GLIS3: variants seen among roughly 807,000 people sequenced by gnomAD.
GLIS3 encodes the protein GLIS family zinc finger 3.
In GLIS3, 53 loss-of-function variants were observed where a neutral mutation model predicts 78.6. The ratio of observed to expected loss-of-function variants is 0.67; its 90% CI spans 0.54 to 0.85. The LOEUF (loss-of-function observed/expected upper bound fraction) is 0.85, where lower values mean the gene tolerates loss of function less well. Ranked by LOEUF, GLIS3 falls within the 40% of genes least tolerant of loss-of-function variation. GLIS3 has a pLI of 0.00. For synonymous variants in GLIS3, 684 were observed against 509.9 expected, an observed-to-expected ratio of 1.34 and a Z score of -4.60; for missense variants, 1,703 against 1,231.1, an observed-to-expected ratio of 1.38 and a Z score of -5.74.
At position 3,997,349 on chromosome 9, in the gene GLIS3, G is replaced by A. The variant is rs943766352; in HGVS notation, c.1711-60160C>T. ...CAAGAAGAGTGAAACTCGAAATTCC[G>A]TCTCAAGAAAACAATAAAAATAAAA... On this transcript the variant is annotated intron_variant, in intron 4 of 10. Coordinates refer to ENST00000381971, the MANE Select transcript of GLIS3 (RefSeq NM_001042413.2). Among the ~76,000 whole-genome samples the A allele has an allele frequency of 3.3e-5, 5 of 151,422 alleles. No homozygotes were observed. The South Asian group carries it at 6.2e-4, about 19-fold the overall frequency.
rs543537862 is a variant in GLIS3, at chr9:4,265,777, C to G, written c.388+20261G>C. On this transcript the variant is annotated intron_variant, in intron 2 of 10. Coordinates refer to ENST00000381971, the MANE Select transcript of GLIS3 (RefSeq NM_001042413.2). Reference sequence around the variant, plus strand: ...TCGTGCCATTTCATCATCATATTACCCACAGTATGAGTTTTCCCCTCTAAA... The same window carrying G: ...TCGTGCCATTTCATCATCATATTACGCACAGTATGAGTTTTCCCCTCTAAA... Among the ~76,000 whole-genome samples, 8 of 152,232 alleles carry G rather than the reference C, an allele frequency of 5.3e-5. No individual in the cohort carries two copies. The East Asian group carries it at 1.5e-3, about 29-fold the overall frequency.
intron 2 of GLIS3, among the ~76,000 whole-genome samples, chr9:4,265,064 C>T (rs554888564): frequency 1.7e-4 from 26 of 150,074 alleles, no homozygotes; most frequent in Non-Finnish European, 3.7e-4. Flanking sequence ...CCCAGCTACT[C>T]GGGAGGCTGA....
At chr9:4,011,787 C>T (rs586192) in intron 4 of GLIS3, among the ~76,000 whole-genome samples, 15,740 of 152,178 alleles carry the variant, frequency 0.1, 2,570 homozygotes, top group African/African-American at 0.35. Context: ...TGATTCTACC[C>T]TTCCTGAAAC....
the GLIS3 span, among the ~76,000 whole-genome samples, chr9:4,424,948 G>A: frequency 6.6e-6 from 1 of 151,982 alleles, no homozygotes. Context: ...ACAGTGAAAT[G>A]TAAACAGGCT....
chr9:3,967,023 A>C (rs1026808089), intron 4 of GLIS3, among the ~76,000 whole-genome samples: 5 of 145,026 alleles, frequency 3.4e-5, no homozygotes, highest in Non-Finnish European at 6.0e-5. Flanking sequence ...AAAAAAAAAA[A>C]AAAAAAAAAA....
rs543903614 is a variant in GLIS3 at position 4,011,981 on chromosome 9, G to T, written c.1711-74792C>A. Reference sequence around the variant, plus strand: ...CAGAAGTCAGAAAGGTGACAGGGGAGGGGGAGGTATTAGAGGCACTGAGAT... The same window carrying T: ...CAGAAGTCAGAAAGGTGACAGGGGATGGGGAGGTATTAGAGGCACTGAGAT... On this transcript the variant is annotated intron_variant, in intron 4 of 10. Coordinates refer to ENST00000381971, the MANE Select transcript of GLIS3 (RefSeq NM_001042413.2). Among the ~76,000 whole-genome samples the T allele has an allele frequency of 5.5e-4, 83 of 152,270 alleles. 1 individual carries two copies. The highest frequency in any genetic ancestry group is 1.9e-3 in the African/African-American group (78 of 41,556).
intron 4 of GLIS3, among the ~76,000 whole-genome samples, chr9:4,027,742 T>TCCTAACCAGTCC (rs1184331307): frequency 6.6e-6 from 1 of 152,144 alleles, no homozygotes; most frequent in African/African-American, 2.4e-5. Flanking sequence ...CTATCCAGCC[T>TCCTAACCAGTCC]CCTAACCAGT....
Position 4,015,234 on chromosome 9 carries a change from G to A in GLIS3, c.1711-78045C>T, listed in dbSNP as rs139657557. 6.6e-5 allele frequency among the ~76,000 whole-genome samples: 10 copies of A among 152,250 alleles called. No homozygotes were observed. In the East Asian group the frequency reaches 1.7e-3, roughly 26 times the overall value. The stretch of plus-strand genomic sequence containing the variant: ...GTGTGTGCAGGGATGTGAGGAAGGG[G>A]GTGTTTGAGGGGATAAATTGGTAGC... On this transcript the variant is annotated intron_variant, in intron 4 of 10. Coordinates refer to ENST00000381971, the MANE Select transcript of GLIS3 (RefSeq NM_001042413.2).
At chr9:4,395,777 CTTTTTTT>C in the GLIS3 span, among the ~76,000 whole-genome samples, 2 of 127,742 alleles carry the variant, frequency 1.6e-5, no homozygotes, top group African/African-American at 3.0e-5. Context: ...TTCTTTTTTT[CTTTTTTT>C]TTTTTTTTGA....
At chr9:4,226,202 T>C (rs1021909258) in intron 2 of GLIS3, among the ~76,000 whole-genome samples, 1 of 152,216 alleles carries the variant, frequency 6.6e-6, no homozygotes, top group South Asian at 2.1e-4. Context: ...AATTCTGCTT[T>C]CCAATATCTT....
chr9:4,384,101 C>A, the GLIS3 span, among the ~76,000 whole-genome samples: 1 of 152,260 alleles, frequency 6.6e-6, no homozygotes, highest in Non-Finnish European at 1.5e-5. Flanking sequence ...GAAGTTGTGG[C>A]CTTTGGGGGT....
chr9:3,923,608 G>A (rs776212955), intron 6 of GLIS3, among the ~76,000 whole-genome samples: 5 of 151,882 alleles, frequency 3.3e-5, no homozygotes, highest in Non-Finnish European at 7.4e-5. Context: ...ATAGTACAAG[G>A]ATGTTTGAAT....
intron 4 of GLIS3, among the ~76,000 whole-genome samples, chr9:4,109,011 G>A (rs926477427): frequency 6.6e-6 from 1 of 152,244 alleles, no homozygotes; most frequent in South Asian, 2.1e-4. Flanking sequence ...AGAGAGACAT[G>A]GGGTTCTATG....
At chr9:4,440,031 G>A in the GLIS3 span, among the ~76,000 whole-genome samples, 1 of 152,138 alleles carries the variant, frequency 6.6e-6, no homozygotes, top group African/African-American at 2.4e-5. Context: ...CGCCCATTTT[G>A]TAATAGGTTT....
intron 2 of GLIS3, among the ~76,000 whole-genome samples, chr9:4,241,136 T>C (rs998792986): frequency 1.1e-4 from 17 of 152,178 alleles, no homozygotes; most frequent in African/African-American, 4.1e-4. Context: ...AACCTGCTTC[T>C]TTGTGCACAC....
At chr9:4,323,038 T>C (rs1386122279) in intron 2 of GLIS3, among the ~76,000 whole-genome samples, 1 of 152,206 alleles carries the variant, frequency 6.6e-6, no homozygotes, top group Non-Finnish European at 1.5e-5. Flanking sequence ...AAAGTCTTTA[T>C]GATTTTAGGT....
chr9:4,405,371 G>GAAAAAGA, the GLIS3 span, among the ~76,000 whole-genome samples: 10 of 147,622 alleles, frequency 6.8e-5, no homozygotes, highest in African/African-American at 1.5e-4. Flanking sequence ...AAAAGAAAAA[G>GAAAAAGA]AAAAAGAAAA....
intron 2 of GLIS3, among the ~76,000 whole-genome samples, chr9:4,247,066 A>AT (rs990693177): frequency 6.6e-6 from 1 of 152,208 alleles, no homozygotes; most frequent in African/African-American, 2.4e-5. Context: ...TTTAAAATCC[A>AT]TGGATGGCTT....
chr9:4,175,111 T>C (rs1181732668), intron 2 of GLIS3, among the ~76,000 whole-genome samples: 2 of 152,194 alleles, frequency 1.3e-5, no homozygotes, highest in African/African-American at 4.8e-5. Flanking sequence ...TCAATAGTTA[T>C]TTCCAGGACT....
Sources: allele counts gnomAD v4.1 joint callset (sites outside exome capture counted in the v4.1 genomes callset), GRCh38; gene constraint gnomAD v4.1.1; transcripts MANE v1.5; gene names NCBI Gene and HGNC (gene_info 2026-07-23, HGNC 2026-07-21).